ATE1: variants seen among roughly 807,000 people sequenced by gnomAD.
The protein encoded by ATE1 is arginyl-tRNA--protein transferase 1.
In ATE1, 36 loss-of-function variants were observed where a neutral mutation model predicts 70.5. The observed-to-expected ratio is 0.51, with a 90% CI of 0.39 to 0.67. ATE1 has a LOEUF of 0.67. Ranked by LOEUF, ATE1 falls within the 30% of genes least tolerant of loss-of-function variation. The pLI, the probability that ATE1 is intolerant of heterozygous loss-of-function variation, is 0.00. For synonymous variants in ATE1, 232 were observed against 219.3 expected, an observed-to-expected ratio of 1.06 and a Z score of -0.51; for missense variants, 593 against 629.5, an observed-to-expected ratio of 0.94 and a Z score of 0.62.
At chr10:121,909,296 AT>A (rs1951326825) in intron 5 of ATE1, among the ~76,000 whole-genome samples, 1 of 152,122 alleles carries the variant, frequency 6.6e-6, no homozygotes, top group Admixed American at 6.6e-5. Context: ...GCCGTAAGAG[AT>A]TTTTTAAATA....
intron 11 of ATE1, among the ~76,000 whole-genome samples, chr10:121,775,866 G>T (rs1945716482): frequency 1.3e-5 from 2 of 152,198 alleles, no homozygotes; most frequent in Admixed American, 6.5e-5. Flanking sequence ...ACTGTCTCTA[G>T]CCAATGCTAT....
At chr10:121,863,783 T>C (rs1394983045) in intron 8 of ATE1, among the ~76,000 whole-genome samples, 1 of 152,134 alleles carries the variant, frequency 6.6e-6, no homozygotes, top group Non-Finnish European at 1.5e-5. Flanking sequence ...ATAATTTTTT[T>C]ATTTTTCTTT....
At chr10:121,788,684 T>G (rs1213977007) in intron 11 of ATE1, among the ~76,000 whole-genome samples, 1 of 152,186 alleles carries the variant, frequency 6.6e-6, no homozygotes, top group Non-Finnish European at 1.5e-5. Context: ...TTCCTTCTTT[T>G]TTCCCAAACT....
At position 121,927,980 on chromosome 10, in the gene ATE1, G is replaced by A. The variant is rs747490754; in HGVS notation, c.-31C>T. On this transcript the variant is annotated 5_prime_UTR_variant, in exon 1 of 12. Transcript: ENST00000224652. ...CGGCCCCGCGAACGCTCAGCCGCCCGGCCCCGCGTCGCTAGCGCGGCCGCC... is the reference window on the plus strand; with the variant it reads ...CGGCCCCGCGAACGCTCAGCCGCCCAGCCCCGCGTCGCTAGCGCGGCCGCC... The A allele has an allele frequency of 1.6e-5, 23 of 1,465,758 alleles. No individual in the cohort carries two copies. The highest frequency in any genetic ancestry group is 4.9e-4 in the Middle Eastern group (2 of 4,096). The allele number at this position is 1,465,758 out of a possible 1,614,324, so 90.8% of individuals were successfully genotyped here.
intron 5 of ATE1, among the ~76,000 whole-genome samples, chr10:121,904,279 G>A (rs1214970127): frequency 1.3e-5 from 2 of 151,750 alleles, no homozygotes; most frequent in African/African-American, 2.4e-5. Flanking sequence ...ACCGCACCTG[G>A]CCGAATTTTC....
chr10:121,918,287 C>T (rs1051590756), intron 3 of ATE1, among the ~76,000 whole-genome samples: 3 of 150,776 alleles, frequency 2.0e-5, no homozygotes, highest in African/African-American at 7.3e-5. Context: ...GAGCAGAGAT[C>T]GCGCCACTGC....
chr10:121,874,117 T>C (rs1452755234), intron 7 of ATE1, among the ~76,000 whole-genome samples: 1 of 152,210 alleles, frequency 6.6e-6, no homozygotes, highest in African/African-American at 2.4e-5. Context: ...TAATAAAACC[T>C]TTATTTAAAA....
At chr10:121,778,749 A>G (rs895233861) in intron 11 of ATE1, among the ~76,000 whole-genome samples, 10 of 151,706 alleles carry the variant, frequency 6.6e-5, no homozygotes, top group Non-Finnish European at 1.3e-4. Flanking sequence ...TTACAGACGC[A>G]CACCACCACG....
chr10:121,922,433 G>C, intron 2 of ATE1, 22 bp from the exon 3 acceptor site: 1 of 1,482,788 alleles, frequency 6.7e-7, no homozygotes, highest in Non-Finnish European at 9.3e-7. Flanking sequence ...AAAATAGTTT[G>C]TTAATGTCTT....
At chr10:121,745,904 C>G (rs1944351009) in intron 11 of ATE1, among the ~76,000 whole-genome samples, 1 of 151,962 alleles carries the variant, frequency 6.6e-6, no homozygotes, top group African/African-American at 2.4e-5. Flanking sequence ...ATGTTATACA[C>G]AACTATTAAA....
At chr10:121,767,141 C>T (rs1474942298) in intron 11 of ATE1, among the ~76,000 whole-genome samples, 1 of 152,194 alleles carries the variant, frequency 6.6e-6, no homozygotes, top group African/African-American at 2.4e-5. Context: ...CAAATCAATG[C>T]TATCCACCAT....
At chr10:121,917,546 G>A (rs913474108) in intron 3 of ATE1, among the ~76,000 whole-genome samples, 11 of 152,006 alleles carry the variant, frequency 7.2e-5, no homozygotes, top group Admixed American at 5.2e-4. Flanking sequence ...GGACAAAAAC[G>A]AGCTTGAATG....
At chr10:121,772,457 G>A (rs1236704522) in intron 11 of ATE1, among the ~76,000 whole-genome samples, 4 of 152,054 alleles carry the variant, frequency 2.6e-5, no homozygotes, top group East Asian at 1.9e-4. Flanking sequence ...TGAAATCTTC[G>A]TAAAACTCTT....
chr10:121,747,242 G>A (rs867910603), intron 11 of ATE1, among the ~76,000 whole-genome samples: 18 of 152,222 alleles, frequency 1.2e-4, no homozygotes, highest in South Asian at 4.1e-4. Context: ...GATGAAGATG[G>A]ACATAAACTG....
At position 121,902,565 on chromosome 10, in the gene ATE1, T is replaced by C. The variant is rs746472870; in HGVS notation, c.639A>G (p.Lys213=). The change falls in exon 6 of 12, where the codon AAA becomes AAG. Residue 213 remains lysine, a synonymous_variant. Coordinates refer to ENST00000224652, the MANE Select transcript of ATE1 (RefSeq NM_001001976.3). ...GCATTAGTTTTAACCTTTTCCTTTC[T>C]TTCCGGATTTCCTTTGCTTTTCGAC... ...PPCRKAKEIR[K]ERKRLKLMQQ... 6.2e-7 allele frequency: 1 copy of C among 1,614,160 alleles called. No individual in the cohort carries two copies. Among genetic ancestry groups the C allele is most frequent in the Non-Finnish European group, 8.5e-7 (1 of 1,180,002 alleles).
intron 11 of ATE1, among the ~76,000 whole-genome samples, chr10:121,788,066 A>C (rs1946284995): frequency 1.3e-5 from 2 of 152,216 alleles, no homozygotes; most frequent in Non-Finnish European, 2.9e-5. Flanking sequence ...ATCTTTTAGT[A>C]AGATGTTCAG....
intron 10 of ATE1, among the ~76,000 whole-genome samples, chr10:121,801,781 A>AGTGAGG (rs773058567): frequency 6.6e-6 from 1 of 151,958 alleles, no homozygotes; most frequent in Non-Finnish European, 1.5e-5. Flanking sequence ...CCTAGACAAG[A>AGTGAGG]GTGAGGGGGC....
intron 11 of ATE1, among the ~76,000 whole-genome samples, chr10:121,781,060 T>C (rs1449353785): frequency 6.6e-6 from 1 of 151,890 alleles, no homozygotes; most frequent in Non-Finnish European, 1.5e-5. Flanking sequence ...GCTAGCTTTT[T>C]GTTTGTTTGT....
intron 7 of ATE1, among the ~76,000 whole-genome samples, chr10:121,873,310 A>G (rs1234432495): frequency 1.3e-5 from 2 of 152,114 alleles, no homozygotes; most frequent in South Asian, 2.1e-4. Flanking sequence ...CATCAGTACC[A>G]TTTTCAAAAT....
Sources: allele counts gnomAD v4.1 joint callset (sites outside exome capture counted in the v4.1 genomes callset), GRCh38; gene constraint gnomAD v4.1.1; transcripts MANE v1.5; gene names NCBI Gene and HGNC (gene_info 2026-07-23, HGNC 2026-07-21).